Variants in SRD5A3 observed in about 807,000 individuals in gnomAD.
The protein encoded by SRD5A3 is polyprenal reductase.
In SRD5A3, 24 loss-of-function variants were observed where a neutral mutation model predicts 34.3. That is an observed-to-expected ratio of 0.70 (90% CI 0.51 to 0.99). The LOEUF is 0.99. SRD5A3 is among the 50% of genes least tolerant of loss of function. The pLI, the probability that SRD5A3 is intolerant of heterozygous loss-of-function variation, is 0.00. For synonymous variants in SRD5A3, 161 were observed against 167.3 expected (o/e 0.96, Z 0.29); for missense variants, 350 against 388.2 (o/e 0.90, Z 0.83).
chr4:55,360,881 T>C (rs1215126233), intron 2 of SRD5A3, among the ~76,000 whole-genome samples: 3 of 151,932 alleles, frequency 2.0e-5, no homozygotes, highest in African/African-American at 7.3e-5. Context: ...AGAGAGATGG[T>C]GTTTCTCCAT....
chr4:55,369,883 A>C lies in SRD5A3; in HGVS notation c.749A>C (p.Tyr250Ser), dbSNP rs760133030. 6.2e-7 allele frequency: 1 copy of C among 1,614,180 alleles called. No homozygotes were observed. Among genetic ancestry groups the C allele is most frequent in the Non-Finnish European group, 8.5e-7 (1 of 1,180,032 alleles). ...ATCCCATTTGGAGACTGGTTTGAATATGTTTCTTCCCCTAACTACTTAGCA... is the reference window on the plus strand; with the variant it reads ...ATCCCATTTGGAGACTGGTTTGAATCTGTTTCTTCCCCTAACTACTTAGCA... ...HRIPFGDWFE[Y>S]VSSPNYLAEL... is the part of the protein sequence containing the mutation. Residue 250 changes from tyrosine (Y) to serine (S), a missense_variant, in exon 5 of 5, where the codon TAT becomes TCT. By Grantham distance (144) the Tyr-to-Ser change is moderately radical. This residue lies in a region of SRD5A3 where 186 missense variants were observed against 221.4 expected (regional missense o/e 0.84). Transcript: ENST00000264228.
At position 55,364,122 on chromosome 4, in the gene SRD5A3, T is replaced by C; in HGVS notation, c.413T>C (p.Leu138Pro). The C allele has an allele frequency of 6.2e-7, 1 of 1,614,248 alleles. No homozygotes were observed. The highest frequency in any genetic ancestry group is 8.5e-7 in the Non-Finnish European group (1 of 1,180,046). The change falls in exon 3 of 5, where the codon CTG becomes CCG. Residue 138 changes from leucine to proline, a missense_variant. Leu to Pro is a moderately conservative substitution (Grantham distance 98). Coordinates refer to ENST00000264228, the MANE Select transcript of SRD5A3 (RefSeq NM_024592.5). ...TTCTTAGTGCTAGTATTTCTGTGGC[T>C]GCACAGCTTACGAAGACTCTTCGAG... ...SAFLVLVFLW[L>P]HSLRRLFECL...
intron 2 of SRD5A3, among the ~76,000 whole-genome samples, chr4:55,359,935 G>A (rs1199466242): frequency 1.3e-5 from 2 of 152,154 alleles, no homozygotes; most frequent in Non-Finnish European, 2.9e-5. Context: ...TTTTTCTGTC[G>A]GGTGCGGTGG....
Position 55,359,449 on chromosome 4 carries a change from C to T in SRD5A3, c.325C>T (p.His109Tyr), listed in dbSNP as rs1375438556. The stretch of plus-strand genomic sequence containing the variant: ...GGGAGCACCTTTTCCAAGCTGGCTT[C>T]ATGGTTTGCTCAGAATTCTCGGGGC... ...FLGAPFPSWL[H>Y]GLLRILGAAQ... The change falls in exon 2 of 5, where the codon CAT (histidine) becomes TAT (tyrosine). Residue 109 changes from histidine to tyrosine, a missense_variant. His to Tyr is a moderately conservative substitution (Grantham distance 83). Coordinates refer to ENST00000264228, the MANE Select transcript of SRD5A3 (RefSeq NM_024592.5). 1 of 1,614,008 alleles carries T rather than the reference C, an allele frequency of 6.2e-7. No homozygotes were observed. Among genetic ancestry groups the T allele is most frequent in the Non-Finnish European group, 8.5e-7 (1 of 1,180,016 alleles).
At position 55,360,696 on chromosome 4, in the gene SRD5A3, T is replaced by TC. The variant is rs1467117853; in HGVS notation, c.364+1208_364+1209insC. ...GATGAAGAATATGGAACGTTTTTTT[T>TC]TTTTTTTCTGAGATGGAGTTTCGCT... is the stretch of plus-strand genomic sequence containing the variant. On this transcript the variant is annotated intron_variant, in intron 2 of 4. Coordinates refer to ENST00000264228, the MANE Select transcript of SRD5A3 (RefSeq NM_024592.5). 2.0e-5 allele frequency among the ~76,000 whole-genome samples: 3 copies of TC among 151,132 alleles called. No individual in the cohort carries two copies. The East Asian group carries it at 5.9e-4, about 30-fold the overall frequency.
intron 3 of SRD5A3, among the ~76,000 whole-genome samples, chr4:55,366,229 C>G (rs1423708108): frequency 1.3e-5 from 2 of 152,224 alleles, no homozygotes; most frequent in East Asian, 1.9e-4. Flanking sequence ...TGTAGGTAAA[C>G]TCTCTGCATT....
intron 1 of SRD5A3, among the ~76,000 whole-genome samples, chr4:55,356,200 G>T (rs1719455338): frequency 6.6e-6 from 1 of 151,508 alleles, no homozygotes; most frequent in Non-Finnish European, 1.5e-5. Flanking sequence ...GTAGAAACAG[G>T]GTTTCACCAT....
In SRD5A3 at chr4:55,371,114, G is replaced by A. The variant is rs983319395; in HGVS notation, c.*1023G>A. On this transcript the variant is annotated 3_prime_UTR_variant, in exon 5 of 5. Transcript: ENST00000264228. Reference sequence around the variant, plus strand: ...TGAAGGGAGTGCTTCAAAAATGAAAGCATCAGAAGATAAAATATTTTTATA... The same window carrying A: ...TGAAGGGAGTGCTTCAAAAATGAAAACATCAGAAGATAAAATATTTTTATA... 1.3e-5 allele frequency: 2 copies of A among 152,032 alleles called. No homozygotes were observed. Among genetic ancestry groups the A allele is most frequent in the African/African-American group, 4.8e-5 (2 of 41,390 alleles). 9.4% of individuals were successfully genotyped at this position (152,032 alleles called of 1,614,324 possible).
Position 55,370,128 on chromosome 4 carries a change from G to C in SRD5A3, c.*37G>C. 6.2e-7 allele frequency: 1 copy of C among 1,610,766 alleles called. No individual in the cohort carries two copies. The highest frequency in any genetic ancestry group is 8.5e-7 in the Non-Finnish European group (1 of 1,179,810). On this transcript the variant is annotated 3_prime_UTR_variant, in exon 5 of 5. Coordinates refer to ENST00000264228, the MANE Select transcript of SRD5A3 (RefSeq NM_024592.5). ...TCATGAAGAATGCAAACCAGGTGAT[G>C]GTTTCAATGCCTAAGGACAGTGAAG... is the stretch of plus-strand genomic sequence containing the variant.
intron 3 of SRD5A3, among the ~76,000 whole-genome samples, chr4:55,365,378 C>T (rs763878626): frequency 6.6e-6 from 1 of 152,184 alleles, no homozygotes; most frequent in Non-Finnish European, 1.5e-5. Flanking sequence ...GATTTATTGA[C>T]GATCTTTCTC....
chr4:55,359,983 C>T (rs1028793385), intron 2 of SRD5A3, among the ~76,000 whole-genome samples: 4 of 152,102 alleles, frequency 2.6e-5, no homozygotes, highest in South Asian at 2.1e-4. Flanking sequence ...GAGGCCAAGG[C>T]GGGCAGATCA....
intron 1 of SRD5A3, among the ~76,000 whole-genome samples, chr4:55,356,924 C>T (rs1719487079): frequency 6.6e-6 from 1 of 152,114 alleles, no homozygotes; most frequent in African/African-American, 2.4e-5. Flanking sequence ...CCCACTCCTG[C>T]CTCACCTTCT....
chr4:55,363,626 G>A (rs1719770143), intron 2 of SRD5A3, among the ~76,000 whole-genome samples: 1 of 152,146 alleles, frequency 6.6e-6, no homozygotes, highest in Non-Finnish European at 1.5e-5. Flanking sequence ...TTTTTTTAAT[G>A]TGGAAAGAAA....
intron 4 of SRD5A3, among the ~76,000 whole-genome samples, chr4:55,368,115 G>A (rs1226177997): frequency 3.9e-5 from 6 of 152,100 alleles, no homozygotes; most frequent in African/African-American, 9.7e-5. Context: ...AGTGGCTCAC[G>A]CCTGTAATTC....
chr4:55,362,927 C>G (rs111888929), intron 2 of SRD5A3, among the ~76,000 whole-genome samples: 3,125 of 150,780 alleles, frequency 0.021, 111 homozygotes, highest in African/African-American at 0.073. Flanking sequence ...CTCACTGCAA[C>G]CTCCACCTCC....
At position 55,372,195 on chromosome 4, in the gene SRD5A3, A is replaced by G. The variant is rs1003510854; in HGVS notation, c.*2104A>G. On this transcript the variant is annotated 3_prime_UTR_variant, in exon 5 of 5. Coordinates refer to ENST00000264228, the MANE Select transcript of SRD5A3 (RefSeq NM_024592.5). ...GAATATCAAGTGTAATTTTTAATAA[A>G]TTATTTGGAGAAAAATGTATTTTAT... The G allele has an allele frequency of 1.3e-5, 2 of 152,178 alleles. No individual in the cohort carries two copies. The highest frequency in any genetic ancestry group is 4.8e-5 in the African/African-American group (2 of 41,442). The allele number at this position is 152,178 out of a possible 1,614,324, so 9.4% of individuals were successfully genotyped here.
chr4:55,347,866 G>C (rs1486188571), intron 1 of SRD5A3, among the ~76,000 whole-genome samples: 1 of 152,178 alleles, frequency 6.6e-6, no homozygotes, highest in Non-Finnish European at 1.5e-5. Context: ...GAAACAAATT[G>C]ATCAAACCTC....
chr4:55,364,130 T>G lies in SRD5A3; in HGVS notation c.421T>G (p.Leu141Val). Residue 141 changes from leucine (L) to valine (V), a missense_variant, in exon 3 of 5, where the codon TTA becomes GTA. Transcript: ENST00000264228. Reference sequence around the variant, plus strand: ...GCTAGTATTTCTGTGGCTGCACAGCTTACGAAGACTCTTCGAGTGCCTCTA... The same window carrying G: ...GCTAGTATTTCTGTGGCTGCACAGCGTACGAAGACTCTTCGAGTGCCTCTA... ...LVLVFLWLHS[L>V]RRLFECLYVS... is the part of the protein sequence containing the mutation. 1 of 1,614,238 alleles carries G rather than the reference T, an allele frequency of 6.2e-7. No homozygotes were observed. Among genetic ancestry groups the G allele is most frequent in the Non-Finnish European group, 8.5e-7 (1 of 1,180,040 alleles).
chr4:55,367,296 A>G (rs1194194378), intron 3 of SRD5A3: 1 of 494,438 alleles, frequency 2.0e-6, no homozygotes, highest in Non-Finnish European at 3.7e-6. Context: ...GAAGCAAGAG[A>G]ATGTGTCTGT....
Sources: gnomAD v4.1 joint callset for allele counts (sites outside exome capture counted in the v4.1 genomes callset) on GRCh38, gnomAD v4.1.1 for gene constraint, gnomAD v4.1.1 regional missense constraint, MANE v1.5 for transcripts, NCBI Gene and HGNC (gene_info 2026-07-23, HGNC 2026-07-21) for gene names.